Variants in SLIT2 observed in about 807,000 individuals in gnomAD.
SLIT2 encodes the protein slit homolog 2 protein.
In SLIT2, 41 loss-of-function variants were observed where a neutral mutation model predicts 185.7. The observed-to-expected ratio is 0.22, with a 90% CI of 0.17 to 0.29. The LOEUF (loss-of-function observed/expected upper bound fraction) is 0.29. SLIT2 is among the 10% of genes least tolerant of loss of function. SLIT2 has a pLI of 1.00. For missense variants in SLIT2, 1,571 were observed against 1,909.0 expected, an observed-to-expected ratio of 0.82 and a Z score of 3.30; for synonymous variants, 693 against 680.2, an observed-to-expected ratio of 1.02 and a Z score of -0.29.
chr4:20,338,935 A>T lies in SLIT2; in HGVS notation c.395+70054A>T, dbSNP rs568269602. Among the ~76,000 whole-genome samples the T allele has an allele frequency of 1.8e-3, 280 of 151,964 alleles. 1 individual carries two copies. Among genetic ancestry groups the T allele is most frequent in the Non-Finnish European group, 3.4e-3 (231 of 67,950 alleles). ...AGAGAGATCCCATCTCAACAAAAAT[A>T]AATAAAAATTAGGTAGGCATGGTGG... On this transcript the variant is annotated intron_variant, in intron 4 of 36. Coordinates refer to ENST00000504154, the MANE Select transcript of SLIT2 (RefSeq NM_004787.4).
At chr4:20,263,372 T>C (rs778355964) in intron 3 of SLIT2, among the ~76,000 whole-genome samples, 28 of 151,870 alleles carry the variant, frequency 1.8e-4, no homozygotes, top group Non-Finnish European at 4.0e-4. Flanking sequence ...TTGTGTGTCC[T>C]CTCTGCAATG....
rs183498936 is a variant in SLIT2, at chr4:20,334,481, T to A, written c.395+65600T>A. On this transcript the variant is annotated intron_variant, in intron 4 of 36. Coordinates refer to ENST00000504154, the MANE Select transcript of SLIT2 (RefSeq NM_004787.4). ...CAATAAAGTATAATATAAAACTAATTTTTAAAATTGTTTAGGAGAGATATC... is the reference window on the plus strand; with the variant it reads ...CAATAAAGTATAATATAAAACTAATATTTAAAATTGTTTAGGAGAGATATC... Among the ~76,000 whole-genome samples the A allele has an allele frequency of 4.1e-4, 63 of 152,254 alleles. 1 individual carries two copies. The East Asian group carries it at 0.011, about 26-fold the overall frequency.
chr4:20,260,951 C>G (rs1240925303), intron 3 of SLIT2, among the ~76,000 whole-genome samples: 1 of 151,422 alleles, frequency 6.6e-6, no homozygotes, highest in African/African-American at 2.4e-5. Flanking sequence ...CCTTCCCTCC[C>G]CTCTCCTCCA....
chr4:20,359,962 G>T (rs1381351600), intron 4 of SLIT2, among the ~76,000 whole-genome samples: 2 of 152,058 alleles, frequency 1.3e-5, no homozygotes, highest in African/African-American at 4.8e-5. Flanking sequence ...AAGATGATGC[G>T]GTTGTTGAGA....
intron 4 of SLIT2, among the ~76,000 whole-genome samples, chr4:20,371,580 C>G (rs533288138): frequency 2.0e-5 from 3 of 152,074 alleles, no homozygotes; most frequent in Non-Finnish European, 4.4e-5. Flanking sequence ...CTGAAGCCCC[C>G]ACTTTTTCAG....
At chr4:20,361,317 C>T (rs1182045979) in intron 4 of SLIT2, among the ~76,000 whole-genome samples, 5 of 151,998 alleles carry the variant, frequency 3.3e-5, no homozygotes, top group Non-Finnish European at 5.9e-5. Flanking sequence ...TCCATCCACC[C>T]GTCCACCCAT....
intron 34 of SLIT2, chr4:20,615,934 C>A (rs2148988619): frequency 6.6e-6 from 1 of 152,422 alleles, no homozygotes; most frequent in Non-Finnish European, 1.5e-5. Context: ...CCCCCCTTCC[C>A]TGGATGGGTG....
chr4:20,490,715 C>T, intron 8 of SLIT2: 1 of 974,178 alleles, frequency 1.0e-6, no homozygotes, highest in Non-Finnish European at 1.5e-6. Context: ...TGTCTGATTG[C>T]TTTTTTAAAA....
intron 9 of SLIT2, among the ~76,000 whole-genome samples, chr4:20,502,620 CT>C (rs1718844189): frequency 6.6e-6 from 1 of 152,112 alleles, no homozygotes; most frequent in South Asian, 2.1e-4. Flanking sequence ...AGGTAGAGAA[CT>C]TGAGGGCTTT....
chr4:20,608,183 A>G (rs1289911348), intron 33 of SLIT2, among the ~76,000 whole-genome samples: 1 of 152,152 alleles, frequency 6.6e-6, no homozygotes, highest in African/African-American at 2.4e-5. Flanking sequence ...GTCATTTTAC[A>G]TAGTCCTCAA....
chr4:20,329,240 T>A (rs1719862701), intron 4 of SLIT2, among the ~76,000 whole-genome samples: 1 of 152,038 alleles, frequency 6.6e-6, no homozygotes, highest in East Asian at 1.9e-4. Flanking sequence ...TGACATGGAC[T>A]ATTTCTCCAG....
At chr4:20,286,773 G>A (rs989192678) in intron 4 of SLIT2, among the ~76,000 whole-genome samples, 6 of 152,204 alleles carry the variant, frequency 3.9e-5, no homozygotes, top group Non-Finnish European at 8.8e-5. Flanking sequence ...TTGCACTCCA[G>A]CATGGGCAAC....
In SLIT2 at chr4:20,417,554, G is replaced by A. The variant is rs370659353; in HGVS notation, c.396-50198G>A. Among the ~76,000 whole-genome samples, 3 of 149,584 alleles carry A rather than the reference G, an allele frequency of 2.0e-5. 1 individual carries two copies. The South Asian group carries it at 6.3e-4, about 32-fold the overall frequency. ...TATATATGTATATATATAGAGTCTT[G>A]CTCTGTCACCAGGCTGGAGTGCAGT... On this transcript the variant is annotated intron_variant, in intron 4 of 36. Coordinates refer to ENST00000504154, the MANE Select transcript of SLIT2 (RefSeq NM_004787.4).
intron 30 of SLIT2, among the ~76,000 whole-genome samples, chr4:20,593,746 A>G (rs757076090): frequency 8.5e-5 from 13 of 152,156 alleles, no homozygotes; most frequent in Non-Finnish European, 1.6e-4. Flanking sequence ...TCTTTAAAAT[A>G]TAAAGATTTT....
chr4:20,467,768 C>T lies in SLIT2; in HGVS notation c.412C>T (p.Gln138Ter). ...TGTTTTTAGTGATCTCAGTGAAAAC[C>T]AAATTCAGGCAATCCCAAGGAAAGC... ...KLYRLDLSEN[Q>*]IQAIPRKAFR... Residue 138 changes from glutamine to a stop codon, truncating the protein, a stop_gained, in exon 5 of 37, where the codon CAA becomes TAA. Coordinates refer to ENST00000504154, the MANE Select transcript of SLIT2 (RefSeq NM_004787.4). LOFTEE classifies it high-confidence loss of function. 6.3e-7 allele frequency: 1 copy of T among 1,595,082 alleles called. No individual in the cohort carries two copies.
intron 6 of SLIT2, among the ~76,000 whole-genome samples, chr4:20,482,263 C>A (rs1033102765): frequency 6.6e-6 from 1 of 151,836 alleles, no homozygotes; most frequent in Non-Finnish European, 1.5e-5. Context: ...TCATTTTATG[C>A]AAAGTTTGCT....
At chr4:20,488,506 G>A (rs1370729821) in intron 7 of SLIT2, among the ~76,000 whole-genome samples, 2 of 151,920 alleles carry the variant, frequency 1.3e-5, no homozygotes, top group African/African-American at 4.8e-5. Context: ...TTGGCTCTCA[G>A]GATGTTGGAA....
At chr4:20,304,695 A>G (rs1425882802) in intron 4 of SLIT2, among the ~76,000 whole-genome samples, 2 of 152,152 alleles carry the variant, frequency 1.3e-5, no homozygotes, top group Non-Finnish European at 2.9e-5. Context: ...ATGGAGATGC[A>G]GAGCTTACAT....
chr4:20,556,472 T>C (rs1007752155), intron 26 of SLIT2, among the ~76,000 whole-genome samples: 2 of 152,060 alleles, frequency 1.3e-5, no homozygotes, highest in Non-Finnish European at 2.9e-5. Context: ...AAAAAAATTA[T>C]AACACAAATC....
Sources: gnomAD v4.1 joint callset for allele counts (sites outside exome capture counted in the v4.1 genomes callset) on GRCh38, gnomAD v4.1.1 for gene constraint, MANE v1.5 for transcripts, NCBI Gene and HGNC (gene_info 2026-07-23, HGNC 2026-07-21) for gene names.